LGSN: variants seen among roughly 807,000 people sequenced by gnomAD.
The protein encoded by LGSN is lengsin, lens protein with glutamine synthetase domain, also known as lengsin.
Under a neutral mutation model 19.5 loss-of-function variants are expected in LGSN, and 21 were observed. The ratio of observed to expected loss-of-function variants is 1.07; its 90% CI spans 0.76 to 1.55. The LOEUF is 1.55. Ranked by LOEUF, LGSN falls within the 40% of genes most tolerant of loss-of-function variation. LGSN has a pLI of 0.00. For missense variants in LGSN, 673 were observed against 608.5 expected, an observed-to-expected ratio of 1.11 and a Z score of -1.12; for synonymous variants, 257 against 215.6, an observed-to-expected ratio of 1.19 and a Z score of -1.68.
the LGSN span, among the ~76,000 whole-genome samples, chr6:63,378,366 C>T: frequency 6.6e-6 from 1 of 152,184 alleles, no homozygotes; most frequent in African/African-American, 2.4e-5. Context: ...TATGCTTCTC[C>T]CACCCCACCC....
chr6:63,563,434 C>G, the LGSN span, among the ~76,000 whole-genome samples: 1 of 152,182 alleles, frequency 6.6e-6, no homozygotes, highest in African/African-American at 2.4e-5. Flanking sequence ...CTCTCTTCCT[C>G]CCCCTCTTTT....
At chr6:63,573,497 C>G in the LGSN span, 3 of 152,154 alleles carry the variant, frequency 2.0e-5, no homozygotes, top group Non-Finnish European at 4.4e-5. Flanking sequence ...GATTGCGGCG[C>G]GGAGAGGGGG....
the LGSN span, among the ~76,000 whole-genome samples, chr6:63,380,705 T>G: frequency 6.6e-6 from 1 of 152,226 alleles, no homozygotes; most frequent in East Asian, 1.9e-4. Context: ...TTCCTAAATT[T>G]TTGTGCTCTT....
chr6:63,537,278 T>C, the LGSN span, among the ~76,000 whole-genome samples: 1 of 152,158 alleles, frequency 6.6e-6, no homozygotes, highest in Non-Finnish European at 1.5e-5. Flanking sequence ...ATGCAAATCA[T>C]CAGGCCCTAT....
the LGSN span, among the ~76,000 whole-genome samples, chr6:63,565,009 CTTTTTTG>C: frequency 6.6e-6 from 1 of 152,070 alleles, no homozygotes; most frequent in African/African-American, 2.4e-5. Context: ...TCCATCATTT[CTTTTTTG>C]TTTTTCCTTG....
the LGSN span, among the ~76,000 whole-genome samples, chr6:63,541,012 AGG>A: frequency 7.2e-6 from 1 of 138,142 alleles, no homozygotes; most frequent in South Asian, 2.4e-4. Context: ...AAAAAAAGGA[AGG>A]AGGGAATGAA....
the LGSN span, among the ~76,000 whole-genome samples, chr6:63,412,969 AGAAAT>A: frequency 6.6e-6 from 1 of 152,114 alleles, no homozygotes; most frequent in Admixed American, 6.5e-5. Context: ...AGAAAAGAAA[AGAAAT>A]GAGGGCAAGT....
the LGSN span, among the ~76,000 whole-genome samples, chr6:63,491,650 T>A: frequency 4.4e-4 from 67 of 152,358 alleles, no homozygotes; most frequent in South Asian, 9.3e-3. Flanking sequence ...CAGGGATGTC[T>A]TTCTAATTGC....
the LGSN span, among the ~76,000 whole-genome samples, chr6:63,375,587 A>G: frequency 1.3e-5 from 2 of 152,106 alleles, no homozygotes; most frequent in African/African-American, 4.8e-5. Flanking sequence ...ATTCGTCTGT[A>G]CTCACCATCT....
chr6:63,351,349 C>A, the LGSN span, among the ~76,000 whole-genome samples: 1 of 151,606 alleles, frequency 6.6e-6, no homozygotes, highest in African/African-American at 2.4e-5. Flanking sequence ...GGAAAAAAAG[C>A]AGATATTTGC....
the LGSN span, among the ~76,000 whole-genome samples, chr6:63,414,727 C>A: frequency 5.9e-5 from 9 of 152,300 alleles, no homozygotes; most frequent in African/African-American, 2.2e-4. Flanking sequence ...CCAGCCTGGG[C>A]AACATGGCCA....
At chr6:63,515,113 C>CT in the LGSN span, among the ~76,000 whole-genome samples, 5 of 152,216 alleles carry the variant, frequency 3.3e-5, no homozygotes, top group African/African-American at 1.2e-4. Flanking sequence ...AACCATCCTC[C>CT]TGCCTCAGCC....
At chr6:63,408,261 A>AAG in the LGSN span, among the ~76,000 whole-genome samples, 1 of 150,974 alleles carries the variant, frequency 6.6e-6, no homozygotes, top group Non-Finnish European at 1.5e-5. Flanking sequence ...GAGGCATAAC[A>AAG]CTACCTGACT....
chr6:63,508,701 G>A, the LGSN span, among the ~76,000 whole-genome samples: 1 of 152,086 alleles, frequency 6.6e-6, no homozygotes, highest in African/African-American at 2.4e-5. Context: ...TGGATCATGT[G>A]AGGTCAGGAG....
At chr6:63,472,469 C>T in the LGSN span, among the ~76,000 whole-genome samples, 3 of 152,160 alleles carry the variant, frequency 2.0e-5, no homozygotes, top group Non-Finnish European at 4.4e-5. Context: ...AAGCCACTCT[C>T]ATGTATGAAC....
At chr6:63,535,757 G>A in the LGSN span, among the ~76,000 whole-genome samples, 124 of 152,224 alleles carry the variant, frequency 8.1e-4, 3 homozygotes, top group East Asian at 0.017. Flanking sequence ...ACAGCCTTCC[G>A]GAAGATTATG....
At chr6:63,509,031 T>C in the LGSN span, among the ~76,000 whole-genome samples, 1 of 151,782 alleles carries the variant, frequency 6.6e-6, no homozygotes, top group Non-Finnish European at 1.5e-5. Context: ...ATTCATATTA[T>C]ATTTAACAAT....
intron 1 of LGSN, among the ~76,000 whole-genome samples, chr6:63,319,033 T>C (rs2127398765): frequency 6.6e-6 from 1 of 152,274 alleles, no homozygotes; most frequent in South Asian, 2.1e-4. Flanking sequence ...GGGAGTGCCT[T>C]CTTCACATAG....
chr6:63,428,800 G>T, the LGSN span, among the ~76,000 whole-genome samples: 2 of 152,170 alleles, frequency 1.3e-5, no homozygotes, highest in Non-Finnish European at 2.9e-5. Flanking sequence ...AAGATTCATG[G>T]CTCATAGAGA....
Sources: allele counts gnomAD v4.1 joint callset (sites outside exome capture counted in the v4.1 genomes callset), GRCh38; gene constraint gnomAD v4.1.1; transcripts MANE v1.5; gene names NCBI Gene and HGNC (gene_info 2026-07-23, HGNC 2026-07-21).